Variants in DIAPH2 observed in about 807,000 individuals in gnomAD.
DIAPH2 encodes protein diaphanous homolog 2.
Under a neutral mutation model 92.7 loss-of-function variants are expected in DIAPH2, and 35 were observed. That is an observed-to-expected ratio of 0.38 (90% CI 0.29 to 0.50). The LOEUF (loss-of-function observed/expected upper bound fraction) is 0.50, where lower values mean the gene tolerates loss of function less well. DIAPH2 is among the 20% of genes least tolerant of loss of function. The pLI, the probability that DIAPH2 is intolerant of heterozygous loss-of-function variation, is 0.94. For missense variants in DIAPH2, 701 were observed against 819.5 expected, an observed-to-expected ratio of 0.86 and a Z score of 1.77; for synonymous variants, 301 against 280.4, an observed-to-expected ratio of 1.07 and a Z score of -0.73.
intron 17 of DIAPH2, among the ~76,000 whole-genome samples, chrX:97,062,649 G>A (rs1366780744): frequency 1.8e-5 from 2 of 111,427 alleles, no homozygotes; most frequent in Non-Finnish European, 1.9e-5. Flanking sequence ...TTTTATTCTC[G>A]TATGTCTTTT....
intron 21 of DIAPH2, among the ~76,000 whole-genome samples, chrX:97,118,830 C>T (rs905870568): frequency 8.9e-6 from 1 of 112,104 alleles, no homozygotes; most frequent in African/African-American, 3.2e-5. Flanking sequence ...AACATTGTGG[C>T]TTGGAACCTA....
At chrX:97,023,730 C>T (rs919780145) in intron 17 of DIAPH2, among the ~76,000 whole-genome samples, 2 of 111,814 alleles carry the variant, frequency 1.8e-5, no homozygotes, top group Non-Finnish European at 3.8e-5. Flanking sequence ...GCATTCATAC[C>T]TATAGAAGTA....
intron 26 of DIAPH2, among the ~76,000 whole-genome samples, chrX:97,553,923 A>G (rs1342716976): frequency 3.6e-5 from 4 of 111,307 alleles, no homozygotes; most frequent in Non-Finnish European, 7.5e-5. Context: ...AAACTCAACA[A>G]TTTCTAGTTA....
At chrX:96,759,377 C>T (rs6523054) in intron 4 of DIAPH2, among the ~76,000 whole-genome samples, 17,409 of 110,707 alleles carry the variant, frequency 0.16, 1,181 homozygotes, top group East Asian at 0.32. Context: ...ATTGCAGCTC[C>T]GCCATAGCAG....
chrX:96,868,902 G>A (rs1208988019), intron 4 of DIAPH2, among the ~76,000 whole-genome samples: 1 of 111,728 alleles, frequency 9.0e-6, no homozygotes, highest in African/African-American at 3.3e-5. Flanking sequence ...AGAGAATATA[G>A]TGAATGTGTG....
intron 23 of DIAPH2, among the ~76,000 whole-genome samples, chrX:97,290,578 G>T (rs927809890): frequency 9.8e-5 from 11 of 112,437 alleles, no homozygotes; most frequent in Non-Finnish European, 1.5e-4. Context: ...CATGCACAGG[G>T]CTCTTCTAAA....
intron 4 of DIAPH2, among the ~76,000 whole-genome samples, chrX:96,873,740 T>C (rs767735538): frequency 1.8e-5 from 2 of 108,635 alleles, no homozygotes; most frequent in Non-Finnish European, 3.8e-5. Context: ...CACAAATAAG[T>C]ACAAATAAAA....
At chrX:96,984,350 A>G (rs373805339) in intron 17 of DIAPH2, among the ~76,000 whole-genome samples, 1 of 111,045 alleles carries the variant, frequency 9.0e-6, no homozygotes, top group East Asian at 2.8e-4. Flanking sequence ...GCAGCAAAGC[A>G]AAAAATGGGC....
intron 22 of DIAPH2, among the ~76,000 whole-genome samples, chrX:97,212,011 A>G (rs2067844312): frequency 9.0e-6 from 1 of 111,626 alleles, no homozygotes; most frequent in African/African-American, 3.3e-5. Flanking sequence ...TTATCAGCCT[A>G]CCTCCATGTC....
intron 23 of DIAPH2, among the ~76,000 whole-genome samples, chrX:97,291,081 G>A (rs1160878232): frequency 4.7e-5 from 5 of 106,276 alleles, no homozygotes; most frequent in African/African-American, 1.7e-4. Context: ...ACAGAGCCAG[G>A]CTCTGTCAAA....
chrX:97,016,709 C>G (rs1200250286), intron 17 of DIAPH2, among the ~76,000 whole-genome samples: 1 of 112,254 alleles, frequency 8.9e-6, no homozygotes, highest in Non-Finnish European at 1.9e-5. Context: ...CTGCCCAATT[C>G]TTAGCTGCTA....
intron 22 of DIAPH2, among the ~76,000 whole-genome samples, chrX:97,212,866 G>A (rs1242347283): frequency 9.0e-6 from 1 of 111,546 alleles, no homozygotes; most frequent in Non-Finnish European, 1.9e-5. Context: ...ATACTCAGGA[G>A]TATGTGATTT....
At chrX:96,944,050 C>T (rs772929472) in intron 13 of DIAPH2, among the ~76,000 whole-genome samples, 2 of 111,829 alleles carry the variant, frequency 1.8e-5, no homozygotes, top group Non-Finnish European at 3.8e-5. Flanking sequence ...CACATATGTT[C>T]ATGTACACAA....
intron 20 of DIAPH2, among the ~76,000 whole-genome samples, chrX:97,106,767 A>C (rs1295843999): frequency 9.0e-6 from 1 of 110,900 alleles, no homozygotes. Context: ...CCCCGTCTCT[A>C]CTAAAAATAC....
At position 97,237,858 on chromosome X, in the gene DIAPH2, G is replaced by A. The variant is rs978374326; in HGVS notation, c.2720-9857G>A. On this transcript the variant is annotated intron_variant, in intron 22 of 26. Transcript: ENST00000324765. Reference sequence around the variant, plus strand: ...GGCCTCCCAAAGTGCTGGGATTACAGGCGTGAGCCACCGCGCCCGGCCCGC... The same window carrying A: ...GGCCTCCCAAAGTGCTGGGATTACAAGCGTGAGCCACCGCGCCCGGCCCGC... Among the ~76,000 whole-genome samples, 3 of 112,196 alleles carry A rather than the reference G, an allele frequency of 2.7e-5. No individual in the cohort carries two copies. In the Admixed American group the frequency reaches 2.8e-4, roughly 11 times the overall value.
intron 4 of DIAPH2, among the ~76,000 whole-genome samples, chrX:96,790,894 T>C (rs1184691121): frequency 9.0e-6 from 1 of 111,411 alleles, no homozygotes; most frequent in East Asian, 2.8e-4. Flanking sequence ...AAATTGATCT[T>C]GATGAGGTAT....
At chrX:96,777,324 G>T (rs907362271) in intron 4 of DIAPH2, among the ~76,000 whole-genome samples, 1 of 111,608 alleles carries the variant, frequency 9.0e-6, no homozygotes, top group African/African-American at 3.3e-5. Flanking sequence ...TACACAATTT[G>T]CTATCAAGAT....
At chrX:97,571,443 G>C (rs2071369289) in intron 26 of DIAPH2, among the ~76,000 whole-genome samples, 1 of 111,522 alleles carries the variant, frequency 9.0e-6, no homozygotes, top group Non-Finnish European at 1.9e-5. Flanking sequence ...AAGAAAATTT[G>C]TTTTGAGTAC....
chrX:96,847,768 C>T (rs115988147), intron 4 of DIAPH2, among the ~76,000 whole-genome samples: 2,568 of 110,804 alleles, frequency 0.023, 74 homozygotes, highest in African/African-American at 0.079. Flanking sequence ...AGTTTTTGAT[C>T]CTCACCCTCC....
Sources: gnomAD v4.1 joint callset for allele counts (sites outside exome capture counted in the v4.1 genomes callset) on GRCh38, gnomAD v4.1.1 for gene constraint, MANE v1.5 for transcripts, NCBI Gene and HGNC (gene_info 2026-07-23, HGNC 2026-07-21) for gene names.